Variants in ASCC2 observed in about 807,000 individuals in gnomAD.
The protein encoded by ASCC2 is ASC-1 complex subunit P100.
In ASCC2, 42 loss-of-function variants were observed where a neutral mutation model predicts 93.5. The observed-to-expected ratio is 0.45, with a 90% confidence interval of 0.35 to 0.58. The LOEUF (loss-of-function observed/expected upper bound fraction) is 0.58. Ranked by LOEUF, ASCC2 falls within the 20% of genes least tolerant of loss-of-function variation. ASCC2 has a pLI of 0.00. For synonymous variants in ASCC2, 364 were observed against 384.2 expected (o/e 0.95, Z 0.62); for missense variants, 859 against 977.6 (o/e 0.88, Z 1.62).
chr22:29,830,808 G>A (rs773711178), intron 2 of ASCC2, among the ~76,000 whole-genome samples: 8 of 152,212 alleles, frequency 5.3e-5, no homozygotes, highest in Non-Finnish European at 1.2e-4. Flanking sequence ...TGTACCAAAT[G>A]TTTTCTGAGA....
At chr22:29,817,602 T>G (rs2061011756) in intron 5 of ASCC2, among the ~76,000 whole-genome samples, 1 of 152,162 alleles carries the variant, frequency 6.6e-6, no homozygotes, top group African/African-American at 2.4e-5. Context: ...CCATACCATG[T>G]TCTCCAAAGC....
rs2060504024 is a variant in ASCC2 at position 29,813,456 on chromosome 22, G to A, written c.807C>T (p.Thr269=). The A allele has an allele frequency of 6.2e-7, 1 of 1,613,688 alleles. No individual in the cohort carries two copies. Among genetic ancestry groups the A allele is most frequent in the Non-Finnish European group, 8.5e-7 (1 of 1,179,666 alleles). The part of the protein sequence containing the change: ...FLDIFPLACQ[T]FQKHDFCYRL... ...TGTAACAAAAGTCGTGCTTCTGGAAGGTCTGGCAAGCCAAAGGGAAGATAT... is the reference window on the plus strand; with the variant it reads ...TGTAACAAAAGTCGTGCTTCTGGAAAGTCTGGCAAGCCAAAGGGAAGATAT... The change falls in exon 8 of 20, where the codon ACC becomes ACT. Residue 269 remains threonine, a synonymous_variant. Coordinates refer to ENST00000307790, the MANE Select transcript of ASCC2 (RefSeq NM_032204.5).
chr22:29,803,892 G>A (rs943094708), intron 13 of ASCC2, among the ~76,000 whole-genome samples: 1 of 152,216 alleles, frequency 6.6e-6, no homozygotes, highest in Non-Finnish European at 1.5e-5. Flanking sequence ...CTGAAGGCCA[G>A]TCAGGCTCAG....
chr22:29,832,175 A>G (rs1157315909), intron 2 of ASCC2, 70 bp downstream of exon 2: 3 of 1,363,436 alleles, frequency 2.2e-6, no homozygotes, highest in Non-Finnish European at 2.1e-6. Flanking sequence ...TAAAGACGGA[A>G]TTTACTTTTT....
rs781078504 is a variant in ASCC2 at position 29,789,147 on chromosome 22, G to A, written c.2140C>T (p.Pro714Ser). ...TCGCGGCTCTGCCCATGGCCTCGGG[G>A]GCTGCCGGCCACTGCTGTTGAGCTG... ...HDSSTAVAGSPRGHGQSRETT... is the reference protein window; with the variant it reads ...HDSSTAVAGSSRGHGQSRETT... The change falls in exon 20 of 20, where the codon CCC (proline) becomes TCC (serine). Residue 714 changes from proline to serine, a missense_variant. Pro to Ser is a moderately conservative substitution (Grantham distance 74, BLOSUM62 -1). Coordinates refer to ENST00000307790, the MANE Select transcript of ASCC2 (RefSeq NM_032204.5). 3 of 1,614,182 alleles carry A rather than the reference G, an allele frequency of 1.9e-6. No individual in the cohort carries two copies. Among genetic ancestry groups the A allele is most frequent in the Non-Finnish European group, 2.5e-6 (3 of 1,180,020 alleles).
intron 5 of ASCC2, among the ~76,000 whole-genome samples, chr22:29,820,636 C>G (rs1211213961): frequency 2.0e-5 from 3 of 151,008 alleles, no homozygotes; most frequent in Non-Finnish European, 4.4e-5. Flanking sequence ...TTATCTTTAC[C>G]ATTAAGAAAA....
At chr22:29,807,544 T>A (rs1291905786) in intron 9 of ASCC2, among the ~76,000 whole-genome samples, 1 of 152,134 alleles carries the variant, frequency 6.6e-6, no homozygotes, top group African/African-American at 2.4e-5. Context: ...TTAATAGACA[T>A]AATTGCCTTA....
In ASCC2 at chr22:29,806,211, G is replaced by C. The variant is rs981751179; in HGVS notation, c.1160+5C>G. ...CTGTCGTAGTGGGCTATGGTAGAAG[G>C]ATACAAGACTGATGAGGCCTGCTGC... On this transcript the variant is annotated splice_donor_5th_base_variant and intron_variant, in intron 12 of 19. Coordinates refer to ENST00000307790, the MANE Select transcript of ASCC2 (RefSeq NM_032204.5). 1 of 1,613,892 alleles carries C rather than the reference G, an allele frequency of 6.2e-7. No individual in the cohort carries two copies.
intron 15 of ASCC2, among the ~76,000 whole-genome samples, chr22:29,795,894 G>C (rs1320263139): frequency 6.6e-6 from 1 of 151,914 alleles, no homozygotes; most frequent in Non-Finnish European, 1.5e-5. Flanking sequence ...CTGTGAAATC[G>C]GGTCTCTGGA....
At chr22:29,802,322 AC>A (rs1017324261) in intron 13 of ASCC2, 114 bp from the exon 14 acceptor site, 6 of 1,006,670 alleles carry the variant, frequency 6.0e-6, no homozygotes, top group Non-Finnish European at 7.2e-6. Context: ...TCCTGGGATT[AC>A]CCCTCCTGCC....
chr22:29,814,458 G>A (rs965013000), intron 7 of ASCC2, among the ~76,000 whole-genome samples, 199 bp downstream of exon 7: 4 of 152,222 alleles, frequency 2.6e-5, no homozygotes, highest in Admixed American at 2.0e-4. Flanking sequence ...AGCTCCCAGA[G>A]AGAAATCCAA....
chr22:29,791,967 G>C (rs960781882), intron 18 of ASCC2, among the ~76,000 whole-genome samples: 3 of 152,192 alleles, frequency 2.0e-5, no homozygotes, highest in Middle Eastern at 3.2e-3. Flanking sequence ...TGTCACCTGA[G>C]CAGTACCGCG....
chr22:29,807,585 T>A (rs975438681), intron 9 of ASCC2, among the ~76,000 whole-genome samples: 1 of 152,212 alleles, frequency 6.6e-6, no homozygotes, highest in Non-Finnish European at 1.5e-5. Context: ...CAAGTCTCCT[T>A]CACGGTGTTT....
chr22:29,808,809 C>T (rs1353028244), intron 8 of ASCC2, among the ~76,000 whole-genome samples: 2 of 104,600 alleles, frequency 1.9e-5, no homozygotes. Flanking sequence ...GACCCTATCT[C>T]AAAAAAAAAA....
At chr22:29,801,851 C>T (rs2059123373) in intron 14 of ASCC2, 143 bp downstream of exon 14, 2 of 759,706 alleles carry the variant, frequency 2.6e-6, no homozygotes, top group African/African-American at 3.5e-5. Context: ...TTTTATGTTT[C>T]CCCAAAGAGG....
chr22:29,825,133 C>T lies in ASCC2; in HGVS notation c.365G>A (p.Ser122Asn), dbSNP rs201743652. 451 of 1,538,164 alleles carry T rather than the reference C, an allele frequency of 2.9e-4. 5 individuals carry two copies. In the South Asian group the frequency reaches 3.2e-3, roughly 11 times the overall value. The change falls in exon 4 of 20, where the codon AGT (serine) becomes AAT (asparagine). Residue 122 changes from serine to asparagine, a missense_variant. Transcript: ENST00000307790. The surrounding 1 kb of genome is among the most constrained non-coding windows in gnomAD (Gnocchi z 4.9). Reference protein sequence around the residue: ...VVDMQKRLHRSVFLTFLRMST... With the variant: ...VVDMQKRLHRNVFLTFLRMST... ...CATGCGGAGGAAGGTGAGAAAAACA[C>T]TTCGATGGAGGCGCTTCTGCATGTC...
intron 1 of ASCC2, among the ~76,000 whole-genome samples, chr22:29,832,932 G>A (rs2063340576): frequency 6.6e-6 from 1 of 152,032 alleles, no homozygotes; most frequent in Non-Finnish European, 1.5e-5. Context: ...GTAGAGACAG[G>A]TTTTATTTTT....
intron 12 of ASCC2, among the ~76,000 whole-genome samples, chr22:29,805,077 G>A (rs748018119): frequency 9.2e-5 from 14 of 152,324 alleles, no homozygotes; most frequent in Admixed American, 3.3e-4. Flanking sequence ...GGCCAGGGCT[G>A]CCATCAGAGT....
Position 29,793,598 on chromosome 22 carries a change from C to G in ASCC2, c.1767G>C (p.Gln589His), listed in dbSNP as rs1191549186. 1 of 1,611,152 alleles carries G rather than the reference C, an allele frequency of 6.2e-7. No homozygotes were observed. Among genetic ancestry groups the G allele is most frequent in the East Asian group, 2.2e-5 (1 of 44,730 alleles). The change falls in exon 16 of 20, where the codon CAG (glutamine) becomes CAC (histidine). Residue 589 changes from glutamine to histidine, a missense_variant. Gln to His is a conservative substitution (Grantham distance 24, BLOSUM62 0). Coordinates refer to ENST00000307790, the MANE Select transcript of ASCC2 (RefSeq NM_032204.5). The stretch of plus-strand genomic sequence containing the variant: ...CTACCTCCTCCACCACCACGCTGTA[C>G]TGCTCGTAGCGCTGCCGCTGTGCCG... ...AVAAQRQRYE[Q>H]YSVVVEEVPL...
Sources: gnomAD v4.1 joint callset for allele counts (sites outside exome capture counted in the v4.1 genomes callset) on GRCh38, gnomAD v4.1.1 for gene constraint, Gnocchi (gnomAD v3.1) non-coding constraint, MANE v1.5 for transcripts, NCBI Gene and HGNC (gene_info 2026-07-23, HGNC 2026-07-21) for gene names.